The following MAPK10 variants were observed in gnomAD, a reference collection of about 807,000 sequenced individuals.
MAPK10 encodes the protein mitogen-activated protein kinase 10.
In MAPK10, 25 loss-of-function variants were observed where a neutral mutation model predicts 59.3. The observed-to-expected ratio is 0.42, with a 90% confidence interval of 0.31 to 0.59. The LOEUF (loss-of-function observed/expected upper bound fraction) is 0.59, where lower values mean the gene tolerates loss of function less well. MAPK10 is among the 20% of genes least tolerant of loss of function. The probability of loss-of-function intolerance (pLI) is 0.15; values close to 1 mark genes in which losing one functional copy is unlikely to be tolerated. For missense variants in MAPK10, 351 were observed against 568.9 expected (o/e 0.62, Z 3.90); for synonymous variants, 190 against 200.5 (o/e 0.95, Z 0.44).
chr4:86,084,188 G>T (rs2051272855), intron 9 of MAPK10, among the ~76,000 whole-genome samples: 1 of 152,156 alleles, frequency 6.6e-6, no homozygotes, highest in Non-Finnish European at 1.5e-5. Flanking sequence ...ACTTTGTCTT[G>T]TACCTTAGGT....
chr4:86,359,987 C>T lies in MAPK10; in HGVS notation c.-451G>A. ...GTTAAAGAAAATAGAAGAAGAGTGG[C>T]TTGCTGAATCACCCTCTTTCACTGC... On this transcript the variant is annotated 5_prime_UTR_variant, in exon 1 of 14. Coordinates refer to ENST00000641462, the MANE Select transcript of MAPK10 (RefSeq NM_138982.4). 1.0e-6 allele frequency: 1 copy of T among 985,880 alleles called. No individual in the cohort carries two copies. The highest frequency in any genetic ancestry group is 1.2e-6 in the Non-Finnish European group (1 of 830,000). The allele number at this position is 985,880 out of a possible 1,614,324, so 61.1% of individuals were successfully genotyped here.
chr4:86,169,305 A>G (rs577393259), intron 3 of MAPK10, among the ~76,000 whole-genome samples: 1 of 152,296 alleles, frequency 6.6e-6, no homozygotes, highest in East Asian at 1.9e-4. Context: ...CAAAGAAGTT[A>G]AAACCTTTGA....
At chr4:86,167,894 A>G (rs146493107) in intron 3 of MAPK10, among the ~76,000 whole-genome samples, 74 of 152,334 alleles carry the variant, frequency 4.9e-4, no homozygotes, top group African/African-American at 1.6e-3. Context: ...CAGGCAAGAG[A>G]AAGAAATAAA....
At chr4:86,304,062 AT>A (rs2095518262) in intron 2 of MAPK10, among the ~76,000 whole-genome samples, 1 of 152,202 alleles carries the variant, frequency 6.6e-6, no homozygotes, top group African/African-American at 2.4e-5. Context: ...GGCATTCCAG[AT>A]TTTGGGGAAA....
chr4:86,589,768 A>T (rs1277710352), intron 1 of MAPK10, among the ~76,000 whole-genome samples: 1 of 152,082 alleles, frequency 6.6e-6, no homozygotes, highest in Non-Finnish European at 1.5e-5. Context: ...ACCACATGTA[A>T]GCCAGAATCG....
chr4:86,547,177 G>A (rs1374301322), intron 1 of MAPK10, among the ~76,000 whole-genome samples: 3 of 152,236 alleles, frequency 2.0e-5, no homozygotes, highest in Middle Eastern at 3.2e-3. Context: ...CACAGCCCTC[G>A]CTTCCTCTCG....
At chr4:86,378,560 T>C (rs898354952) in intron 1 of MAPK10, among the ~76,000 whole-genome samples, 1 of 152,232 alleles carries the variant, frequency 6.6e-6, no homozygotes, top group Non-Finnish European at 1.5e-5. Flanking sequence ...ATGAGGATGA[T>C]ATTTTGTTTA....
intron 2 of MAPK10, among the ~76,000 whole-genome samples, chr4:86,239,125 T>A (rs1251129454): frequency 9.2e-5 from 14 of 152,314 alleles, no homozygotes; most frequent in South Asian, 2.1e-4. Flanking sequence ...TTGTCTTTGG[T>A]TCTGTTTATG....
chr4:86,527,525 G>A (rs540931670), intron 1 of MAPK10, among the ~76,000 whole-genome samples: 1 of 152,218 alleles, frequency 6.6e-6, no homozygotes, highest in East Asian at 1.9e-4. Flanking sequence ...TGCTGGTGAG[G>A]CTGTGGAGAA....
Position 86,434,995 on chromosome 4 carries a change from A to G in MAPK10, c.-122+18035T>C, listed in dbSNP as rs570270132. On this transcript the variant is annotated intron_variant, in intron 1 of 13. Transcript: ENST00000361569. ...ATGATATCTGATCATTTGCAGCAAC[A>G]TGGACGAAACTGGAGGTCATTACAT... 2.6e-5 allele frequency among the ~76,000 whole-genome samples: 4 copies of G among 152,326 alleles called. No homozygotes were observed. The East Asian group carries it at 7.7e-4, about 29-fold the overall frequency.
At chr4:86,444,195 T>C (rs906509762) in intron 1 of MAPK10, among the ~76,000 whole-genome samples, 6 of 152,066 alleles carry the variant, frequency 3.9e-5, no homozygotes, top group African/African-American at 1.4e-4. Flanking sequence ...TTCCCCAAAT[T>C]AATGTCAGAC....
At chr4:86,354,947 C>T (rs1195298558) in intron 1 of MAPK10, among the ~76,000 whole-genome samples, 1 of 152,154 alleles carries the variant, frequency 6.6e-6, no homozygotes, top group African/African-American at 2.4e-5. Flanking sequence ...GCACCCCACT[C>T]ATCCTCAACT....
At chr4:86,096,608 T>C (rs545394693) in intron 9 of MAPK10, among the ~76,000 whole-genome samples, 2 of 152,112 alleles carry the variant, frequency 1.3e-5, no homozygotes, top group African/African-American at 4.8e-5. Flanking sequence ...GAGATGTGGC[T>C]GTGCAACTTC....
intron 2 of MAPK10, among the ~76,000 whole-genome samples, chr4:86,248,595 A>AG (rs2093248664): frequency 6.6e-6 from 1 of 152,220 alleles, no homozygotes; most frequent in South Asian, 2.1e-4. Context: ...TGATACCACA[A>AG]GGAAGTTTTA....
chr4:86,395,739 T>C (rs1162547373), intron 1 of MAPK10, among the ~76,000 whole-genome samples: 1 of 152,182 alleles, frequency 6.6e-6, no homozygotes, highest in Non-Finnish European at 1.5e-5. Flanking sequence ...ATTTCATTAC[T>C]GGTGAGGGTT....
At chr4:86,384,947 T>G (rs1741272065) in intron 1 of MAPK10, among the ~76,000 whole-genome samples, 1 of 152,106 alleles carries the variant, frequency 6.6e-6, no homozygotes, top group African/African-American at 2.4e-5. Context: ...ATATAATATA[T>G]CTAAACAGAT....
Position 86,014,162 on chromosome 4 carries a change from T to G in MAPK10, c.*3066A>C, listed in dbSNP as rs1742309346. 1 of 152,146 alleles carries G rather than the reference T, an allele frequency of 6.6e-6. No homozygotes were observed. Among genetic ancestry groups the G allele is most frequent in the African/African-American group, 2.4e-5 (1 of 41,422 alleles). 9.4% of individuals were successfully genotyped at this position (152,146 alleles called of 1,614,324 possible). A position where few individuals can be genotyped will look rare whatever the true frequency, so the allele number is the denominator to read the frequency against. On this transcript the variant is annotated 3_prime_UTR_variant, in exon 14 of 14. Coordinates refer to ENST00000641462, the MANE Select transcript of MAPK10 (RefSeq NM_138982.4). ...GGTTAGGCTCCTCAGAGTGCCAACT[T>G]CATGTTCCAAAATGAGCCCCAACCC... is the stretch of plus-strand genomic sequence containing the variant.
At chr4:86,067,728 C>T in intron 10 of MAPK10, 45 bp downstream of exon 10, 6 of 1,528,738 alleles carry the variant, frequency 3.9e-6, no homozygotes, top group Non-Finnish European at 4.4e-6. Context: ...CTTGTTTGGC[C>T]CGTCACCCTC....
chr4:86,400,749 C>T (rs556175050), intron 1 of MAPK10, among the ~76,000 whole-genome samples: 79 of 152,214 alleles, frequency 5.2e-4, no homozygotes, highest in African/African-American at 1.8e-3. Flanking sequence ...AACTCCCTTG[C>T]AGTTTTTTGG....
Sources: allele counts gnomAD v4.1 joint callset (sites outside exome capture counted in the v4.1 genomes callset), GRCh38; gene constraint gnomAD v4.1.1; transcripts MANE v1.5; gene names NCBI Gene and HGNC (gene_info 2026-07-23, HGNC 2026-07-21).